Variants in CADPS2 observed in about 807,000 individuals in gnomAD.
CADPS2 encodes the protein calcium-dependent secretion activator 2.
Under a neutral mutation model 172.5 loss-of-function variants are expected in CADPS2, and 93 were observed. That is an observed-to-expected ratio of 0.54 (90% CI 0.46 to 0.64). The LOEUF (loss-of-function observed/expected upper bound fraction) is 0.64. Among genes scored for constraint, CADPS2 ranks in the 30% least tolerant of loss-of-function variants. CADPS2 has a pLI of 0.00. For missense variants in CADPS2, 1,420 were observed against 1,565.9 expected, an observed-to-expected ratio of 0.91 and a Z score of 1.57; for synonymous variants, 546 against 555.2, an observed-to-expected ratio of 0.98 and a Z score of 0.23.
At chr7:122,827,226 A>T (rs557535283) in intron 1 of CADPS2, among the ~76,000 whole-genome samples, 1 of 152,316 alleles carries the variant, frequency 6.6e-6, no homozygotes, top group African/African-American at 2.4e-5. Context: ...AGATCACTCA[A>T]TATAAAAATG....
intron 8 of CADPS2, among the ~76,000 whole-genome samples, chr7:122,531,233 G>T (rs2061726247): frequency 6.6e-6 from 1 of 152,204 alleles, no homozygotes; most frequent in African/African-American, 2.4e-5. Context: ...ACTGCAGAGA[G>T]CGTCAAAGAA....
intron 7 of CADPS2, among the ~76,000 whole-genome samples, chr7:122,557,829 A>C (rs2065223416): frequency 6.6e-6 from 1 of 152,198 alleles, no homozygotes; most frequent in Admixed American, 6.5e-5. Flanking sequence ...TTAGCCAACA[A>C]CCAGGTTTTC....
At chr7:122,548,968 T>C (rs963916874) in intron 8 of CADPS2, among the ~76,000 whole-genome samples, 1 of 152,192 alleles carries the variant, frequency 6.6e-6, no homozygotes, top group African/African-American at 2.4e-5. Context: ...AGTCTAACAA[T>C]TAAGCAAAGG....
At chr7:122,861,802 ATC>A (rs1563197318) in intron 1 of CADPS2, among the ~76,000 whole-genome samples, 1 of 152,254 alleles carries the variant, frequency 6.6e-6, no homozygotes, top group Non-Finnish European at 1.5e-5. Flanking sequence ...ATGTACCATT[ATC>A]TGTCCATTCA....
intron 6 of CADPS2, 57 bp from the exon 7 acceptor site, chr7:122,581,347 G>T: frequency 2.2e-6 from 3 of 1,352,774 alleles, no homozygotes; most frequent in Admixed American, 3.4e-5. Context: ...TTTCCCCAAG[G>T]AGATGTGTCT....
chr7:122,742,704 T>G lies in CADPS2; in HGVS notation c.340-5636A>C, dbSNP rs112707216. Among the ~76,000 whole-genome samples the G allele has an allele frequency of 3.1e-3, 466 of 152,322 alleles. 2 individuals carry two copies. The highest frequency in any genetic ancestry group is 0.01 in the African/African-American group (428 of 41,580). On this transcript the variant is annotated intron_variant, in intron 1 of 29. Coordinates refer to ENST00000449022, the MANE Select transcript of CADPS2 (RefSeq NM_017954.11). ...ATCAACAAAAACTTCTAAAACATTC[T>G]TACATGTGCCTCAGTAAGCCATGTT... is the stretch of plus-strand genomic sequence containing the variant.
chr7:122,447,098 C>T (rs963471912), intron 15 of CADPS2, among the ~76,000 whole-genome samples: 9 of 134,220 alleles, frequency 6.7e-5, no homozygotes, highest in African/African-American at 1.1e-4. Flanking sequence ...CTGTCCCTTC[C>T]TTACTTCTAA....
intron 1 of CADPS2, chr7:122,850,128 T>C: frequency 7.9e-7 from 1 of 1,265,732 alleles, no homozygotes; most frequent in Non-Finnish European, 1.0e-6. Flanking sequence ...CAACTCCGAG[T>C]TTTAGCAACT....
At chr7:122,634,124 A>G (rs2076832165) in intron 3 of CADPS2, among the ~76,000 whole-genome samples, 1 of 151,988 alleles carries the variant, frequency 6.6e-6, no homozygotes, top group Non-Finnish European at 1.5e-5. Context: ...TTCATTAGGG[A>G]TATTGATTTC....
At chr7:122,577,541 G>A (rs1457721787) in intron 7 of CADPS2, among the ~76,000 whole-genome samples, 3 of 152,044 alleles carry the variant, frequency 2.0e-5, no homozygotes, top group East Asian at 1.9e-4. Context: ...GATGTGCCAC[G>A]GTTTTATTCA....
intron 18 of CADPS2, among the ~76,000 whole-genome samples, chr7:122,415,601 CAAAAAA>C (rs549530021): frequency 3.1e-5 from 2 of 64,960 alleles, no homozygotes; most frequent in Non-Finnish European, 7.0e-5. Flanking sequence ...AATACAGAAC[CAAAAAA>C]AAAAAAAAAA....
chr7:122,737,176 T>C, intron 1 of CADPS2, 108 bp from the exon 2 acceptor site: 1 of 617,238 alleles, frequency 1.6e-6, no homozygotes, highest in Non-Finnish European at 2.9e-6. Flanking sequence ...TAGAATTAAC[T>C]TTATAGTAAA....
intron 16 of CADPS2, 110 bp from the exon 17 acceptor site, chr7:122,438,574 G>A: frequency 7.8e-7 from 1 of 1,277,842 alleles, no homozygotes; most frequent in Non-Finnish European, 1.1e-6. Flanking sequence ...TACACAAATT[G>A]TCCTTGATCT....
At chr7:122,835,823 G>A (rs573887718) in intron 1 of CADPS2, among the ~76,000 whole-genome samples, 22 of 152,252 alleles carry the variant, frequency 1.4e-4, no homozygotes, top group African/African-American at 4.6e-4. Flanking sequence ...TGAAAGTGAC[G>A]GGGAGAATGG....
chr7:122,873,799 C>G (rs1041413498), intron 1 of CADPS2, among the ~76,000 whole-genome samples: 7 of 152,140 alleles, frequency 4.6e-5, no homozygotes, highest in Admixed American at 2.0e-4. Context: ...AGTATAAAAG[C>G]ATTCCCGTTT....
intron 1 of CADPS2, among the ~76,000 whole-genome samples, chr7:122,833,110 C>G (rs929326882): frequency 3.9e-5 from 6 of 152,174 alleles, no homozygotes; most frequent in Admixed American, 3.3e-4. Flanking sequence ...TCCTTCCAGC[C>G]TTTGTTCTGT....
chr7:122,551,998 G>A (rs181243347), intron 8 of CADPS2, among the ~76,000 whole-genome samples: 1 of 152,216 alleles, frequency 6.6e-6, no homozygotes, highest in Admixed American at 6.5e-5. Context: ...GCCAATACAT[G>A]TTTACACACA....
intron 3 of CADPS2, among the ~76,000 whole-genome samples, chr7:122,647,048 A>C (rs1356036362): frequency 2.0e-5 from 3 of 152,188 alleles, no homozygotes; most frequent in African/African-American, 7.2e-5. Flanking sequence ...GATGAAAAAG[A>C]AAGTGACATT....
At chr7:122,470,677 A>G (rs1201061693) in intron 14 of CADPS2, among the ~76,000 whole-genome samples, 2 of 151,792 alleles carry the variant, frequency 1.3e-5, no homozygotes, top group African/African-American at 4.8e-5. Flanking sequence ...ATATTTTTTA[A>G]TAGAGATGAG....
Sources: gnomAD v4.1 joint callset for allele counts (sites outside exome capture counted in the v4.1 genomes callset) on GRCh38, gnomAD v4.1.1 for gene constraint, MANE v1.5 for transcripts, NCBI Gene and HGNC (gene_info 2026-07-23, HGNC 2026-07-21) for gene names.